ANKRD17: variants seen among roughly 807,000 people sequenced by gnomAD.
The protein encoded by ANKRD17 is ankyrin repeat domain 17.
ANKRD17 carries 19 observed loss-of-function variants against 229.7 expected under a neutral mutation model. The ratio of observed to expected loss-of-function variants is 0.08; its 90% CI spans 0.06 to 0.12. The LOEUF (loss-of-function observed/expected upper bound fraction) is 0.12. Ranked by LOEUF, ANKRD17 falls within the 10% of genes least tolerant of loss-of-function variation. ANKRD17 has a pLI of 1.00. For synonymous variants in ANKRD17, 1,112 were observed against 1,146.1 expected (o/e 0.97, Z 0.60); for missense variants, 2,176 against 3,176.8 (o/e 0.68, Z 7.57).
chr4:73,137,826 G>A (rs1249611620), intron 15 of ANKRD17, among the ~76,000 whole-genome samples: 1 of 152,050 alleles, frequency 6.6e-6, no homozygotes, highest in Non-Finnish European at 1.5e-5. Flanking sequence ...AGAATACACA[G>A]AATTGTTTTT....
chr4:73,179,199 C>A (rs1167877207), intron 1 of ANKRD17, among the ~76,000 whole-genome samples: 1 of 151,486 alleles, frequency 6.6e-6, no homozygotes, highest in East Asian at 1.9e-4. Flanking sequence ...TACAAAGTTC[C>A]ATTAAACTAA....
intron 1 of ANKRD17, among the ~76,000 whole-genome samples, chr4:73,207,904 T>A (rs1739693223): frequency 1.3e-5 from 2 of 151,974 alleles, no homozygotes; most frequent in African/African-American, 2.4e-5. Flanking sequence ...TAAAAAAACT[T>A]GAGGCCGGGC....
At chr4:73,215,617 A>G (rs1164017665) in intron 1 of ANKRD17, among the ~76,000 whole-genome samples, 1 of 152,198 alleles carries the variant, frequency 6.6e-6, no homozygotes, top group African/African-American at 2.4e-5. Context: ...ACTATGACCA[A>G]TATTATAAAA....
rs78226803 is a variant in ANKRD17, at chr4:73,172,181, A to G, written c.547+5199T>C. On this transcript the variant is annotated intron_variant, in intron 2 of 33. Transcript: ENST00000358602. ...AGGATCCTAAAAGCAGCAAGACAAA[A>G]AGACACAAATAAAATACAATGGGGC... Among the ~76,000 whole-genome samples, 317 of 152,314 alleles carry G rather than the reference A, an allele frequency of 2.1e-3. 1 individual carries two copies. The highest frequency in any genetic ancestry group is 3.3e-3 in the Non-Finnish European group (227 of 68,028).
At chr4:73,243,533 T>C (rs913732690) in intron 1 of ANKRD17, among the ~76,000 whole-genome samples, 2 of 152,174 alleles carry the variant, frequency 1.3e-5, no homozygotes, top group African/African-American at 4.8e-5. Flanking sequence ...TCCTTAGTGA[T>C]AGTGGCTGGT....
intron 14 of ANKRD17, among the ~76,000 whole-genome samples, chr4:73,140,986 T>C (rs1729525710): frequency 6.6e-6 from 1 of 152,210 alleles, no homozygotes; most frequent in African/African-American, 2.4e-5. Flanking sequence ...GCTATAGGTA[T>C]AGCAATCAAT....
intron 1 of ANKRD17, among the ~76,000 whole-genome samples, chr4:73,192,787 T>G (rs1737312369): frequency 6.6e-6 from 1 of 152,174 alleles, no homozygotes; most frequent in Non-Finnish European, 1.5e-5. Context: ...CCTCATTCTT[T>G]TTAAATGAAA....
intron 11 of ANKRD17, 144 bp downstream of exon 11, chr4:73,144,601 C>A (rs1730015991): frequency 2.2e-6 from 1 of 449,812 alleles, no homozygotes; most frequent in Non-Finnish European, 3.9e-6. Flanking sequence ...TGTTTATCAA[C>A]TATCCACTCA....
At chr4:73,151,387 T>C in intron 7 of ANKRD17, 43 bp downstream of exon 7, 1 of 1,572,880 alleles carries the variant, frequency 6.4e-7, no homozygotes, top group Non-Finnish European at 8.7e-7. Flanking sequence ...TGTCTCTCCC[T>C]GGTTAATATA....
At position 73,144,837 on chromosome 4, in the gene ANKRD17, TTA is replaced by T; in HGVS notation, c.1870-7_1870-6del. 2 of 1,566,346 alleles carry T rather than the reference TTA, an allele frequency of 1.3e-6. No individual in the cohort carries two copies. The highest frequency in any genetic ancestry group is 2.1e-5 in the Admixed American group (1 of 48,588). On this transcript the variant is annotated splice_region_variant and splice_polypyrimidine_tract_variant and intron_variant, in intron 10 of 33. Transcript: ENST00000358602. ...TCCACCTTCAGATTCATGTTCCTGTTTAAAAAAAAAAAAAAAGACTTGACATT... is the reference window on the plus strand; with the variant it reads ...TCCACCTTCAGATTCATGTTCCTGTTAAAAAAAAAAAAAAGACTTGACATT...
At chr4:73,201,771 A>G (rs920255446) in intron 1 of ANKRD17, among the ~76,000 whole-genome samples, 8 of 152,222 alleles carry the variant, frequency 5.3e-5, no homozygotes, top group African/African-American at 1.9e-4. Flanking sequence ...ATTGCTTTAA[A>G]ATGTATTCAC....
Position 73,120,176 on chromosome 4 carries a change from C to T in ANKRD17, c.4011G>A (p.Glu1337=). The T allele has an allele frequency of 1.2e-6, 2 of 1,614,014 alleles. No individual in the cohort carries two copies. Among genetic ancestry groups the T allele is most frequent in the South Asian group, 1.1e-5 (1 of 91,082 alleles). ...TAACAACATACCTGCCAATAAGAAGCTCACAGAATTTGTAATGCCCTTTAT... is the reference window on the plus strand; with the variant it reads ...TAACAACATACCTGCCAATAAGAAGTTCACAGAATTTGTAATGCCCTTTAT... The part of the protein sequence containing the change: ...AADKGHYKFC[E]LLIGRGAHID... Residue 1337 remains glutamate (E), a synonymous_variant, in exon 21 of 34, where the codon GAG becomes GAA. Transcript: ENST00000358602.
chr4:73,180,410 T>C (rs950378879), intron 1 of ANKRD17, among the ~76,000 whole-genome samples: 3 of 152,172 alleles, frequency 2.0e-5, no homozygotes, highest in African/African-American at 7.2e-5. Context: ...GCGACTGTCT[T>C]ACACAAAGTC....
At chr4:73,173,469 T>C (rs1734310787) in intron 2 of ANKRD17, among the ~76,000 whole-genome samples, 2 of 152,048 alleles carry the variant, frequency 1.3e-5, no homozygotes, top group Admixed American at 1.3e-4. Context: ...AATGTGCAGC[T>C]CCCACTTGGA....
chr4:73,112,032 G>A (rs1344935977), intron 24 of ANKRD17, among the ~76,000 whole-genome samples: 1 of 152,194 alleles, frequency 6.6e-6, no homozygotes, highest in Non-Finnish European at 1.5e-5. Flanking sequence ...ATTCATGGAA[G>A]ATGCTGCTGA....
intron 1 of ANKRD17, among the ~76,000 whole-genome samples, chr4:73,241,056 C>T (rs1743984637): frequency 6.6e-6 from 1 of 152,124 alleles, no homozygotes; most frequent in Non-Finnish European, 1.5e-5. Flanking sequence ...GGCAACCCGC[C>T]CACCTCGGCT....
rs2110071186 is a variant in ANKRD17 at position 73,074,048 on chromosome 4, A to G, written c.*2183T>C. The G allele has an allele frequency of 6.6e-6, 1 of 152,154 alleles. No individual in the cohort carries two copies. The allele number at this position is 152,154 out of a possible 1,614,324, so 9.4% of individuals were successfully genotyped here. ...TCTGAAATATAAAAAATGTATTTTA[A>G]AAATGTTCCTAGTACAGACTTCTAA... On this transcript the variant is annotated 3_prime_UTR_variant, in exon 34 of 34. Transcript: ENST00000358602.
intron 1 of ANKRD17, among the ~76,000 whole-genome samples, chr4:73,214,007 G>A (rs978853909): frequency 2.0e-5 from 3 of 152,068 alleles, no homozygotes; most frequent in African/African-American, 7.2e-5. Context: ...TACTCCACAA[G>A]CAAAATATTT....
intron 6 of ANKRD17, among the ~76,000 whole-genome samples, chr4:73,152,484 G>A (rs889035653): frequency 1.1e-4 from 17 of 152,068 alleles, no homozygotes; most frequent in Non-Finnish European, 2.1e-4. Flanking sequence ...CTCACCAGAA[G>A]GAGAGGAAGG....
Sources: allele counts gnomAD v4.1 joint callset (sites outside exome capture counted in the v4.1 genomes callset), GRCh38; gene constraint gnomAD v4.1.1; transcripts MANE v1.5; gene names NCBI Gene and HGNC (gene_info 2026-07-23, HGNC 2026-07-21).